The following ACVR1C variants were observed in gnomAD, a reference collection of about 807,000 sequenced individuals.
The protein encoded by ACVR1C is activin A receptor type 1C.
ACVR1C carries 23 observed loss-of-function variants against 57.9 expected under a neutral mutation model. That is an observed-to-expected ratio of 0.40 (90% CI 0.29 to 0.56). The LOEUF (loss-of-function observed/expected upper bound fraction) is 0.56. Ranked by LOEUF, ACVR1C falls within the 20% of genes least tolerant of loss-of-function variation. ACVR1C has a pLI of 0.50. For missense variants in ACVR1C, 480 were observed against 607.9 expected (o/e 0.79, Z 2.21); for synonymous variants, 214 against 215.3 (o/e 0.99, Z 0.05).
At chr2:157,610,568 A>G (rs1397293365) in intron 1 of ACVR1C, among the ~76,000 whole-genome samples, 1 of 152,122 alleles carries the variant, frequency 6.6e-6, no homozygotes, top group Non-Finnish European at 1.5e-5. Context: ...CTGTATTTGA[A>G]TGTCTAAATC....
At chr2:157,619,215 T>C (rs985676035) in intron 1 of ACVR1C, among the ~76,000 whole-genome samples, 1 of 151,022 alleles carries the variant, frequency 6.6e-6, no homozygotes, top group African/African-American at 2.4e-5. Flanking sequence ...TCATCCCAAA[T>C]GGATTTAAAG....
chr2:157,614,407 T>C (rs1682597798), intron 1 of ACVR1C, among the ~76,000 whole-genome samples: 2 of 152,312 alleles, frequency 1.3e-5, no homozygotes. Flanking sequence ...AGGTTTGTTC[T>C]ATGCCCCCAC....
chr2:157,558,276 T>C (rs1383896131), intron 2 of ACVR1C, among the ~76,000 whole-genome samples: 1 of 152,224 alleles, frequency 6.6e-6, no homozygotes, highest in African/African-American at 2.4e-5. Context: ...CACCAGCACC[T>C]TAGCATCTAA....
Position 157,577,377 on chromosome 2 carries a change from G to A in ACVR1C, c.304+9810C>T, listed in dbSNP as rs182490452. Among the ~76,000 whole-genome samples the A allele has an allele frequency of 1.1e-3, 167 of 152,076 alleles. 1 individual carries two copies. The highest frequency in any genetic ancestry group is 3.6e-3 in the African/African-American group (148 of 41,482). ...TATGCTGAAATCTCCCTCCGAGATTGTGGACTTCTCTATTTATCCTTATAG... is the reference window on the plus strand; with the variant it reads ...TATGCTGAAATCTCCCTCCGAGATTATGGACTTCTCTATTTATCCTTATAG... On this transcript the variant is annotated intron_variant, in intron 2 of 8. Transcript: ENST00000243349.
chr2:157,561,887 T>G (rs1376826115), intron 2 of ACVR1C, among the ~76,000 whole-genome samples: 1 of 152,086 alleles, frequency 6.6e-6, no homozygotes, highest in Non-Finnish European at 1.5e-5. Context: ...TGAGAAAAAC[T>G]CTCCAGAGGA....
chr2:157,583,773 C>T (rs1371968569), intron 2 of ACVR1C, among the ~76,000 whole-genome samples: 1 of 150,786 alleles, frequency 6.6e-6, no homozygotes, highest in Admixed American at 6.6e-5. Context: ...AAAGAATAGA[C>T]TTTCAATAAA....
chr2:157,622,785 A>G (rs1460107120), intron 1 of ACVR1C, among the ~76,000 whole-genome samples: 5 of 152,216 alleles, frequency 3.3e-5, no homozygotes, highest in Admixed American at 3.3e-4. Context: ...AAGATTCTGC[A>G]TGGTAAAGGA....
intron 1 of ACVR1C, among the ~76,000 whole-genome samples, chr2:157,628,301 C>T (rs1682949275): frequency 6.6e-6 from 1 of 152,174 alleles, no homozygotes; most frequent in Non-Finnish European, 1.5e-5. Flanking sequence ...ACCCACCTCA[C>T]CCCTACTACT....
At chr2:157,546,779 G>GAAAATAA (rs1687765019) in intron 4 of ACVR1C, among the ~76,000 whole-genome samples, 1 of 151,608 alleles carries the variant, frequency 6.6e-6, no homozygotes, top group Non-Finnish European at 1.5e-5. Context: ...CACAAGCATG[G>GAAAATAA]GTACAATATT....
chr2:157,610,091 TTTGAG>T (rs1415892614), intron 1 of ACVR1C, among the ~76,000 whole-genome samples: 1 of 152,104 alleles, frequency 6.6e-6, no homozygotes, highest in Non-Finnish European at 1.5e-5. Context: ...AGTGGTCCTA[TTTGAG>T]TTATTTCTCT....
chr2:157,595,906 T>C (rs1682095137), intron 1 of ACVR1C, among the ~76,000 whole-genome samples: 1 of 152,312 alleles, frequency 6.6e-6, no homozygotes, highest in Non-Finnish European at 1.5e-5. Flanking sequence ...GTGACTCCCC[T>C]TGCTCAAGGA....
intron 8 of ACVR1C, among the ~76,000 whole-genome samples, chr2:157,535,845 T>G (rs1481119741): frequency 1.3e-5 from 2 of 152,166 alleles, no homozygotes; most frequent in Admixed American, 6.6e-5. Flanking sequence ...AGAGCACGAA[T>G]TCTGCCTCCA....
intron 1 of ACVR1C, among the ~76,000 whole-genome samples, chr2:157,588,021 T>C (rs544856028): frequency 7.9e-5 from 12 of 152,168 alleles, no homozygotes; most frequent in African/African-American, 2.6e-4. Context: ...AGCCACTATA[T>C]TTCCCCTCCT....
At chr2:157,581,155 C>T (rs995852397) in intron 2 of ACVR1C, among the ~76,000 whole-genome samples, 10 of 151,876 alleles carry the variant, frequency 6.6e-5, no homozygotes, top group African/African-American at 2.2e-4. Flanking sequence ...ATTTTAAATA[C>T]GGGCTTCAAA....
chr2:157,627,028 A>C (rs559101891), intron 1 of ACVR1C, among the ~76,000 whole-genome samples: 1 of 152,250 alleles, frequency 6.6e-6, no homozygotes, highest in South Asian at 2.1e-4. Context: ...AGGTCTCTGA[A>C]ATTTTCTAAA....
At chr2:157,617,202 G>A (rs1015680204) in intron 1 of ACVR1C, among the ~76,000 whole-genome samples, 3 of 151,908 alleles carry the variant, frequency 2.0e-5, no homozygotes, top group African/African-American at 7.2e-5. Flanking sequence ...AGATAAAGAG[G>A]GACGTCTTAT....
intron 3 of ACVR1C, among the ~76,000 whole-genome samples, chr2:157,555,101 C>CTTTTTTTTTTTTTTTTTTTTTTTT (rs60269781): frequency 2.4e-5 from 2 of 83,946 alleles, no homozygotes; most frequent in African/African-American, 1.2e-4. Context: ...ACTTTGAACG[C>CTTTTTTTTTTTTTTTTTTTTTTTT]TTTTTTTTTT....
chr2:157,553,115 A>G (rs1367291197), intron 3 of ACVR1C, among the ~76,000 whole-genome samples: 2 of 152,222 alleles, frequency 1.3e-5, no homozygotes, highest in African/African-American at 4.8e-5. Flanking sequence ...GTTCCTCAGC[A>G]TCTGACAAAC....
chr2:157,539,058 T>G (rs1369664518), intron 7 of ACVR1C, among the ~76,000 whole-genome samples: 1 of 151,110 alleles, frequency 6.6e-6, no homozygotes, highest in Non-Finnish European at 1.5e-5. Context: ...ATGTAAATTT[T>G]TACTCAATTA....
Sources: allele counts gnomAD v4.1 joint callset (sites outside exome capture counted in the v4.1 genomes callset), GRCh38; gene constraint gnomAD v4.1.1; transcripts MANE v1.5; gene names NCBI Gene and HGNC (gene_info 2026-07-23, HGNC 2026-07-21).